The following DLG5 variants were observed in gnomAD, a reference collection of about 807,000 sequenced individuals.
DLG5 encodes discs large MAGUK scaffold protein 5.
DLG5 carries 48 observed loss-of-function variants against 189.8 expected under a neutral mutation model. The ratio of observed to expected loss-of-function variants is 0.25; its 90% CI spans 0.20 to 0.32. The LOEUF is 0.32. DLG5 is among the 10% of genes least tolerant of loss of function. DLG5 has a pLI of 1.00. For synonymous variants in DLG5, 1,016 were observed against 1,054.1 expected (o/e 0.96, Z 0.70); for missense variants, 2,160 against 2,544.7 (o/e 0.85, Z 3.25).
intron 5 of DLG5, among the ~76,000 whole-genome samples, chr10:77,844,068 T>C (rs1248671): frequency 0.73 from 110,716 of 152,034 alleles, 40,961 homozygotes; most frequent in African/African-American, 0.86. Flanking sequence ...ACTTTTCTTC[T>C]GGTGATATAA....
intron 27 of DLG5, among the ~76,000 whole-genome samples, chr10:77,797,578 GTGGGATGA>G (rs1840987153): frequency 6.6e-6 from 1 of 152,230 alleles, no homozygotes; most frequent in Non-Finnish European, 1.5e-5. Flanking sequence ...CAGGAGGGAA[GTGGGATGA>G]GAGTCTCCAG....
chr10:77,930,107 C>T (rs146601386), upstream of DLG5, among the ~76,000 whole-genome samples: 2 of 152,282 alleles, frequency 1.3e-5, no homozygotes, highest in African/African-American at 2.4e-5. Context: ...CTCTCCTCCC[C>T]TGCACACACG....
Position 77,840,997 on chromosome 10 carries a change from A to T in DLG5, c.1437+884T>A, listed in dbSNP as rs146330936. Among the ~76,000 whole-genome samples, 44 of 152,322 alleles carry T rather than the reference A, an allele frequency of 2.9e-4. No homozygotes were observed. In the East Asian group the frequency reaches 3.1e-3, roughly 11 times the overall value. The stretch of plus-strand genomic sequence containing the variant: ...TTAAACGCCTTGCTTTTTGCTTCTC[A>T]TAAACCACCTTTGAAAGCTGCATTC... On this transcript the variant is annotated intron_variant, in intron 7 of 31. Transcript: ENST00000372391.
In DLG5 at chr10:77,821,377, G is replaced by A. The variant is rs1207396622; in HGVS notation, c.3107C>T (p.Ala1036Val). Residue 1036 changes from alanine to valine, a missense_variant, in exon 15 of 32, where the codon GCC becomes GTC. Ala to Val is a moderately conservative substitution (Grantham distance 64). Transcript: ENST00000372391. ...HRLETSSESE[A>V]TLVGSSPSTS... Reference sequence around the variant, plus strand: ...GGATGGGGAGCTGCCCACCAGAGTGGCTTCTGACTCGGAGCTAGTCTCCAG... The same window carrying A: ...GGATGGGGAGCTGCCCACCAGAGTGACTTCTGACTCGGAGCTAGTCTCCAG... The A allele has an allele frequency of 6.2e-7, 1 of 1,612,512 alleles. No individual in the cohort carries two copies. Among genetic ancestry groups the A allele is most frequent in the Admixed American group, 1.7e-5 (1 of 60,022 alleles).
rs577050911 is a variant in DLG5, at chr10:77,907,571, CCT to C, written c.304+18644_304+18645del. On this transcript the variant is annotated intron_variant, in intron 1 of 31. Transcript: ENST00000372391. ...TCCAGCCTGGGCAACAGAGTTATAC[CCT>C]GTCTCAAATACACACATAAATATAG... 3.7e-4 allele frequency among the ~76,000 whole-genome samples: 56 copies of C among 152,088 alleles called. 1 individual carries two copies. The highest frequency in any genetic ancestry group is 2.9e-3 in the Admixed American group (45 of 15,266).
Position 77,812,352 on chromosome 10 carries a change from C to A in DLG5, c.4051G>T (p.Val1351Leu). The part of the protein sequence containing the change: ...DRPYVEEPRH[V>L]KVQKGSEPLG... The stretch of plus-strand genomic sequence containing the variant: ...GGCTCTGAGCCCTTCTGCACCTTCA[C>A]GTGGCGTGGCTCCTCCACATAAGGC... Residue 1351 changes from valine (V) to leucine (L), a missense_variant, in exon 21 of 32, where the codon GTG (valine) becomes TTG (leucine). By Grantham distance (32) the Val-to-Leu change is conservative (BLOSUM62 1). This residue lies in a region of DLG5 where 754 missense variants were observed against 746.5 expected (regional missense o/e 1.01). Transcript: ENST00000372391. 2.5e-6 allele frequency: 4 copies of A among 1,613,462 alleles called. No homozygotes were observed. Among genetic ancestry groups the A allele is most frequent in the South Asian group, 1.1e-5 (1 of 91,078 alleles).
At chr10:77,901,946 A>G (rs977008731) in intron 1 of DLG5, among the ~76,000 whole-genome samples, 3 of 152,214 alleles carry the variant, frequency 2.0e-5, no homozygotes, top group Non-Finnish European at 4.4e-5. Flanking sequence ...ACTCACTCGT[A>G]TGCTGGTATT....
At chr10:77,881,739 T>C (rs1303363997) in intron 1 of DLG5, among the ~76,000 whole-genome samples, 1 of 152,170 alleles carries the variant, frequency 6.6e-6, no homozygotes, top group Non-Finnish European at 1.5e-5. Flanking sequence ...CACTGTCCCT[T>C]CGTGCCACAC....
chr10:77,836,881 T>C (rs1193059601), intron 7 of DLG5, among the ~76,000 whole-genome samples: 2 of 149,652 alleles, frequency 1.3e-5, no homozygotes, highest in African/African-American at 4.9e-5. Flanking sequence ...GTTTGCTATT[T>C]TCAAAAAAAA....
rs1842853629 is a variant in DLG5 at position 77,830,669 on chromosome 10, T to C, written c.1881+72A>G. On this transcript the variant is annotated intron_variant, in intron 10 of 31. Transcript: ENST00000372391. ...AACTTGGAGTGGTGAAACTGGGAGA[T>C]ACTGCAAGCGGGTCACCGTCTCCTC... The C allele has an allele frequency of 1.9e-6, 3 of 1,575,100 alleles. No individual in the cohort carries two copies. The African/African-American group carries it at 4.0e-5, about 21-fold the overall frequency.
At chr10:77,925,769 G>A (rs1280677695) in intron 1 of DLG5, among the ~76,000 whole-genome samples, 1 of 152,184 alleles carries the variant, frequency 6.6e-6, no homozygotes, top group Non-Finnish European at 1.5e-5. Flanking sequence ...AGCAGTTGTG[G>A]CCCCGGCACA....
intron 14 of DLG5, among the ~76,000 whole-genome samples, chr10:77,823,530 C>CT (rs55870292): frequency 9.7e-4 from 131 of 135,252 alleles, no homozygotes; most frequent in African/African-American, 1.9e-3. Context: ...ACTTCCCTTC[C>CT]TTTTTTTTTT....
At position 77,835,936 on chromosome 10, in the gene DLG5, G is replaced by T; in HGVS notation, c.1438-14C>A. ...CGTGTCTTTGATCTGGTGGGAGCAA[G>T]GGGCAGGAAGAGGGAGAGGTTGCTG... On this transcript the variant is annotated splice_polypyrimidine_tract_variant and intron_variant, in intron 7 of 31. Coordinates refer to ENST00000372391, the MANE Select transcript of DLG5 (RefSeq NM_004747.4). 1 of 1,602,390 alleles carries T rather than the reference G, an allele frequency of 6.2e-7. No homozygotes were observed.
chr10:77,932,898 CG>C, the DLG5 span, among the ~76,000 whole-genome samples: 6,107 of 152,222 alleles, frequency 0.04, 185 homozygotes, highest in Non-Finnish European at 0.06. Flanking sequence ...AACCCAAGTT[CG>C]AGGCCAAACA....
chr10:77,931,992 T>C, the DLG5 span, among the ~76,000 whole-genome samples: 1 of 152,178 alleles, frequency 6.6e-6, no homozygotes, highest in Admixed American at 6.5e-5. Context: ...AACTCCCTAA[T>C]GTTAGAGCAG....
intron 2 of DLG5, among the ~76,000 whole-genome samples, chr10:77,862,465 C>T (rs1844509545): frequency 6.6e-6 from 1 of 152,226 alleles, no homozygotes; most frequent in Non-Finnish European, 1.5e-5. Flanking sequence ...GGCAAGGATA[C>T]AGCTGGATTC....
At position 77,806,741 on chromosome 10, in the gene DLG5, G is replaced by A; in HGVS notation, c.4967+17C>T. 8.8e-7 allele frequency: 1 copy of A among 1,131,046 alleles called. No homozygotes were observed. 70.1% of individuals were successfully genotyped at this position (1,131,046 alleles called of 1,614,324 possible). A position where few individuals can be genotyped will look rare whatever the true frequency, so the allele number is the denominator to read the frequency against. On this transcript the variant is annotated intron_variant, in intron 26 of 31. Transcript: ENST00000372391. ...CGACCCCTGCCCCACCCCACCCCAG[G>A]CCCGGAGAACACTTACACATATTTG...
At chr10:77,924,520 C>T (rs1020070174) in intron 1 of DLG5, among the ~76,000 whole-genome samples, 2 of 152,180 alleles carry the variant, frequency 1.3e-5, no homozygotes, top group African/African-American at 2.4e-5. Flanking sequence ...CTGTGCTTTA[C>T]GAAAGACTTT....
At chr10:77,837,867 A>C (rs1422463385) in intron 7 of DLG5, among the ~76,000 whole-genome samples, 2 of 152,182 alleles carry the variant, frequency 1.3e-5, no homozygotes, top group Non-Finnish European at 2.9e-5. Flanking sequence ...GCTAGTCTTC[A>C]CAAGACACTT....
Sources: gnomAD v4.1 joint callset for allele counts (sites outside exome capture counted in the v4.1 genomes callset) on GRCh38, gnomAD v4.1.1 for gene constraint, gnomAD v4.1.1 regional missense constraint, MANE v1.5 for transcripts, NCBI Gene and HGNC (gene_info 2026-07-23, HGNC 2026-07-21) for gene names.